Variants in MSRA observed in about 807,000 individuals in gnomAD.
MSRA encodes the protein mitochondrial peptide methionine sulfoxide reductase.
In MSRA, 54 loss-of-function variants were observed where a neutral mutation model predicts 31.3. The observed-to-expected ratio is 1.73, with a 90% CI of 1.39 to 2.17. The LOEUF (loss-of-function observed/expected upper bound fraction) is 2.17, where lower values mean the gene tolerates loss of function less well. MSRA is among the 30% of genes most tolerant of loss of function. MSRA has a pLI of 0.00. For synonymous variants in MSRA, 169 were observed against 116.5 expected (o/e 1.45, Z -2.90); for missense variants, 507 against 300.9 (o/e 1.69, Z -5.07).
intron 4 of MSRA, among the ~76,000 whole-genome samples, chr8:10,304,337 T>G (rs1801010450): frequency 1.3e-5 from 2 of 152,194 alleles, no homozygotes; most frequent in African/African-American, 4.8e-5. Flanking sequence ...AGAAAATAAT[T>G]AATTCCAATA....
At chr8:10,245,077 C>CTTTT in intron 2 of MSRA, 27 bp from the exon 3 acceptor site, 1 of 1,586,592 alleles carries the variant, frequency 6.3e-7, no homozygotes, top group Non-Finnish European at 8.6e-7. Context: ...AATCAGTATC[C>CTTTT]TTTTTTTTTC....
At chr8:10,274,373 G>A (rs1273215007) in intron 3 of MSRA, among the ~76,000 whole-genome samples, 1 of 152,146 alleles carries the variant, frequency 6.6e-6, no homozygotes, top group Non-Finnish European at 1.5e-5. Flanking sequence ...GACAGTTATG[G>A]GAAAGCAGAT....
At chr8:10,318,805 C>T (rs1316818735) in intron 4 of MSRA, among the ~76,000 whole-genome samples, 3 of 152,272 alleles carry the variant, frequency 2.0e-5, no homozygotes, top group South Asian at 2.1e-4. Context: ...CTGGGCTTCA[C>T]GCTTGAGGGT....
At chr8:10,150,162 G>A (rs1436769348) in intron 1 of MSRA, among the ~76,000 whole-genome samples, 1 of 152,006 alleles carries the variant, frequency 6.6e-6, no homozygotes, top group Non-Finnish European at 1.5e-5. Flanking sequence ...GGCAGTGAGG[G>A]AAAAGTACAG....
chr8:10,323,518 T>G (rs2129139980), intron 5 of MSRA, among the ~76,000 whole-genome samples: 1 of 152,326 alleles, frequency 6.6e-6, no homozygotes, highest in African/African-American at 2.4e-5. Flanking sequence ...TTTTCCAGTT[T>G]CTATCCCATT....
chr8:10,295,048 C>T (rs926174761), intron 3 of MSRA, among the ~76,000 whole-genome samples: 1 of 152,174 alleles, frequency 6.6e-6, no homozygotes, highest in African/African-American at 2.4e-5. Flanking sequence ...TTAGGACTTA[C>T]ATAGCAGGCA....
intron 1 of MSRA, among the ~76,000 whole-genome samples, chr8:10,160,252 T>A (rs1039351381): frequency 6.6e-6 from 1 of 152,072 alleles, no homozygotes; most frequent in Non-Finnish European, 1.5e-5. Context: ...CTCAGCACTT[T>A]GGGAGGCTGA....
In MSRA at chr8:10,113,289, CTTCTTTTTT is replaced by C. The variant is rs1322428677; in HGVS notation, c.142+58634_142+58642del. 2.6e-4 allele frequency among the ~76,000 whole-genome samples: 13 copies of C among 50,898 alleles called. 2 individuals carry two copies. The highest frequency in any genetic ancestry group is 1.5e-3 in the Admixed American group (5 of 3,404). The allele number at this position is 50,898 out of a possible 152,430, so 33.4% of individuals were successfully genotyped here. On this transcript the variant is annotated intron_variant, in intron 1 of 5. Coordinates refer to ENST00000317173, the MANE Select transcript of MSRA (RefSeq NM_012331.5). The stretch of plus-strand genomic sequence containing the variant: ...AGGCATGGCTTTGGTGAAGACAGGT[CTTCTTTTTT>C]TTTTTTTTTTTTTTTTGGAGGTGTG...
chr8:10,296,121 G>A (rs1189260518), intron 3 of MSRA, among the ~76,000 whole-genome samples: 3 of 152,130 alleles, frequency 2.0e-5, no homozygotes, highest in Admixed American at 1.3e-4. Context: ...TGTGGATGAA[G>A]GCTGAGCTGC....
intron 1 of MSRA, among the ~76,000 whole-genome samples, chr8:10,056,600 C>T (rs1479900242): frequency 6.8e-6 from 1 of 147,060 alleles, no homozygotes; most frequent in Non-Finnish European, 1.5e-5. Flanking sequence ...GTAACTTTTT[C>T]CACAAAAAGT....
intron 5 of MSRA, among the ~76,000 whole-genome samples, chr8:10,368,139 G>A (rs1453572946): frequency 6.6e-6 from 1 of 152,178 alleles, no homozygotes; most frequent in Non-Finnish European, 1.5e-5. Context: ...AGGGTACCTC[G>A]CTGATCCAGA....
At chr8:10,354,276 A>G (rs749561771) in intron 5 of MSRA, among the ~76,000 whole-genome samples, 1 of 152,178 alleles carries the variant, frequency 6.6e-6, no homozygotes, top group African/African-American at 2.4e-5. Flanking sequence ...ATTACAATGC[A>G]TCTGCTACAG....
At chr8:10,412,667 T>C (rs1179312193) in intron 5 of MSRA, among the ~76,000 whole-genome samples, 7 of 152,182 alleles carry the variant, frequency 4.6e-5, no homozygotes, top group Admixed American at 4.6e-4. Flanking sequence ...AGAAGTCCCT[T>C]CACCTACAGG....
At chr8:10,143,377 G>C (rs1802866879) in intron 1 of MSRA, among the ~76,000 whole-genome samples, 1 of 152,134 alleles carries the variant, frequency 6.6e-6, no homozygotes, top group Non-Finnish European at 1.5e-5. Flanking sequence ...TCCCTTCACG[G>C]AGTAATTTGC....
At chr8:10,312,223 G>GAGTC (rs1437795364) in intron 4 of MSRA, among the ~76,000 whole-genome samples, 2 of 152,120 alleles carry the variant, frequency 1.3e-5, no homozygotes, top group Non-Finnish European at 2.9e-5. Context: ...AAAAAGCCAA[G>GAGTC]AGTCGATATT....
At chr8:10,389,741 TTTTTTTTTTTTTTTTTTAAAGTC>T (rs1216058543) in intron 5 of MSRA, among the ~76,000 whole-genome samples, 1 of 69,206 alleles carries the variant, frequency 1.4e-5, no homozygotes, top group East Asian at 3.4e-4. Context: ...AGAAGCTTGC[TTTTTTTTTTTTTTTTTTAAAGTC>T]TTTTTTTTTT....
intron 3 of MSRA, among the ~76,000 whole-genome samples, chr8:10,252,547 C>T (rs1440961026): frequency 1.3e-5 from 2 of 152,140 alleles, no homozygotes; most frequent in Non-Finnish European, 2.9e-5. Flanking sequence ...TGCAGGAGCC[C>T]AGGACTTAGG....
intron 1 of MSRA, among the ~76,000 whole-genome samples, chr8:10,077,623 C>T (rs1003522555): frequency 1.3e-5 from 2 of 151,772 alleles, no homozygotes; most frequent in East Asian, 1.9e-4. Flanking sequence ...AGGACTGGAC[C>T]CCTTTTGTTT....
intron 4 of MSRA, 48 bp from the exon 5 acceptor site, chr8:10,319,835 A>C (rs1355863773): frequency 1.7e-6 from 2 of 1,177,632 alleles, no homozygotes; most frequent in Non-Finnish European, 2.3e-6. Context: ...TGAGACTGGC[A>C]CTGTCGCCTA....
Sources: allele counts gnomAD v4.1 joint callset (sites outside exome capture counted in the v4.1 genomes callset), GRCh38; gene constraint gnomAD v4.1.1; transcripts MANE v1.5; gene names NCBI Gene and HGNC (gene_info 2026-07-23, HGNC 2026-07-21).